The following GOLGA8H variants were observed in gnomAD, a reference collection of about 807,000 sequenced individuals.
GOLGA8H encodes golgin A8 family member H, also known as golgin subfamily A member 8H.
In GOLGA8H, 47 loss-of-function variants were observed where a neutral mutation model predicts 82.7. That is an observed-to-expected ratio of 0.57 (90% CI 0.45 to 0.73). The LOEUF (loss-of-function observed/expected upper bound fraction) is 0.73, where lower values mean the gene tolerates loss of function less well. Ranked by LOEUF, GOLGA8H falls within the 30% of genes least tolerant of loss-of-function variation. The pLI, the probability that GOLGA8H is intolerant of heterozygous loss-of-function variation, is 0.00. For missense variants in GOLGA8H, 372 were observed against 661.0 expected (o/e 0.56, Z 4.79); for synonymous variants, 108 against 241.6 (o/e 0.45, Z 5.13).
At position 30,604,097 on chromosome 15, in the gene GOLGA8H, C is replaced by T. The variant is rs1488264699; in HGVS notation, c.-29C>T. On this transcript the variant is annotated 5_prime_UTR_variant, in exon 1 of 19. Transcript: ENST00000566740. ...CTCATTGAGATTTTGCTGCTGTGAC[C>T]CCAACCCTGCCTCCCTCCCCACCCT... 23 of 1,538,254 alleles carry T rather than the reference C, an allele frequency of 1.5e-5. 1 individual carries two copies. Among genetic ancestry groups the T allele is most frequent in the Middle Eastern group, 4.5e-4 (2 of 4,426 alleles).
chr15:30,608,917 G>A (rs1375703939), intron 8 of GOLGA8H, among the ~76,000 whole-genome samples, 161 bp downstream of exon 8: 9 of 134,546 alleles, frequency 6.7e-5, no homozygotes, highest in Non-Finnish European at 4.9e-5. Context: ...CTGGGGCTGA[G>A]TCAGCTGCTG....
chr15:30,612,538 G>A (rs2060037547), intron 13 of GOLGA8H, 59 bp from the exon 14 acceptor site: 6 of 1,542,150 alleles, frequency 3.9e-6, no homozygotes, highest in Non-Finnish European at 5.3e-6. Flanking sequence ...TGAGGATGGG[G>A]CTGTGAGGGG....
intron 4 of GOLGA8H, 62 bp from the exon 5 acceptor site, chr15:30,607,968 C>G (rs1168276193): frequency 4.4e-6 from 7 of 1,596,066 alleles, no homozygotes; most frequent in Non-Finnish European, 5.9e-6. Flanking sequence ...CTACCACTTC[C>G]TGGTCTGGGG....
chr15:30,605,782 G>C, intron 1 of GOLGA8H, 61 bp from the exon 2 acceptor site: 12 of 1,582,904 alleles, frequency 7.6e-6, no homozygotes, highest in Non-Finnish European at 1.0e-5. Flanking sequence ...AAACTGTAAA[G>C]GAGGATGTGG....
Position 30,611,652 on chromosome 15 carries a change from A to C in GOLGA8H, c.1200+306A>C, listed in dbSNP as rs1249520017. Among the ~76,000 whole-genome samples the C allele has an allele frequency of 2.8e-5, 4 of 141,438 alleles. No homozygotes were observed. The East Asian group carries it at 8.2e-4, about 29-fold the overall frequency. The allele number at this position is 141,438 out of a possible 152,430, so 92.8% of individuals were successfully genotyped here. On this transcript the variant is annotated intron_variant, in intron 13 of 18. Coordinates refer to ENST00000566740, the MANE Select transcript of GOLGA8H (RefSeq NM_001282490.2). ...CCAGGTGCAGTGGCTCATGCCTATAATCCCAGCACTTTGGGAGGCTGAGGC... is the reference window on the plus strand; with the variant it reads ...CCAGGTGCAGTGGCTCATGCCTATACTCCCAGCACTTTGGGAGGCTGAGGC...
Position 30,608,491 on chromosome 15 carries a change from C to G in GOLGA8H, c.421C>G (p.Gln141Glu), listed in dbSNP as rs767587258. 12 of 1,610,826 alleles carry G rather than the reference C, an allele frequency of 7.4e-6. No homozygotes were observed. Among genetic ancestry groups the G allele is most frequent in the Non-Finnish European group, 9.3e-6 (11 of 1,179,604 alleles). Reference sequence around the variant, plus strand: ...GGTTCAAATCCAGACATTGAACATACAGAAAGGGAAACTAAATACGGACCT... The same window carrying G: ...GGTTCAAATCCAGACATTGAACATAGAGAAAGGGAAACTAAATACGGACCT... Reference protein sequence around the residue: ...LEVQIQTLNIQKGKLNTDLYH... With the variant: ...LEVQIQTLNIEKGKLNTDLYH... The change falls in exon 7 of 19, where the codon CAG (glutamine) becomes GAG (glutamate). Residue 141 changes from glutamine (Q) to glutamate (E), a missense_variant. Transcript: ENST00000566740.
chr15:30,606,608 C>G (rs1177276973), intron 2 of GOLGA8H, among the ~76,000 whole-genome samples: 1 of 151,608 alleles, frequency 6.6e-6, no homozygotes, highest in Non-Finnish European at 1.5e-5. Context: ...TCCTCATCCC[C>G]AGTCTCAAGG....
intron 11 of GOLGA8H, 136 bp downstream of exon 11, chr15:30,610,525 G>A (rs1229850082): frequency 1.8e-5 from 12 of 683,894 alleles, no homozygotes; most frequent in African/African-American, 5.7e-5. Flanking sequence ...AGGAGACGGC[G>A]AGTCTTGTCA....
rs1330257184 is a variant in GOLGA8H, at chr15:30,615,653, G to C, written c.*1092G>C. Among the ~76,000 whole-genome samples, 1 of 143,800 alleles carries C rather than the reference G, an allele frequency of 7.0e-6. No homozygotes were observed. The highest frequency in any genetic ancestry group is 1.5e-5 in the Non-Finnish European group (1 of 65,986). The allele number at this position is 143,800 out of a possible 152,430, so 94.3% of individuals were successfully genotyped here. ...CAAGAATGAATTAGAGTGAAGGAAA[G>C]CTGTGTGACACCTGGCATTCCTCTC... On this transcript the variant is annotated 3_prime_UTR_variant, in exon 19 of 19. Transcript: ENST00000566740.
intron 8 of GOLGA8H, among the ~76,000 whole-genome samples, chr15:30,609,138 T>C (rs2059976494): frequency 8.3e-6 from 1 of 120,758 alleles, no homozygotes; most frequent in Admixed American, 8.0e-5. Context: ...TGTGTGTGTG[T>C]GTGTGTGCAT....
chr15:30,610,348 A>G lies in GOLGA8H; in HGVS notation c.833A>G (p.Glu278Gly), dbSNP rs2059999461. The change falls in exon 11 of 19, where the codon GAG (glutamate) becomes GGG (glycine). Residue 278 changes from glutamate (E) to glycine (G), a missense_variant. By Grantham distance (98) the Glu-to-Gly change is moderately conservative. Coordinates refer to ENST00000566740, the MANE Select transcript of GOLGA8H (RefSeq NM_001282490.2). ...AAGCAGCAAGATATGCGTCGGGTAG[A>G]GAAGCTGGAGAGGAGCTTGTCCAAA... is the stretch of plus-strand genomic sequence containing the variant. ...KEKQQDMRRV[E>G]KLERSLSKLK... 6.9e-7 allele frequency: 1 copy of G among 1,456,928 alleles called. No homozygotes were observed. Among genetic ancestry groups the G allele is most frequent in the Non-Finnish European group, 9.4e-7 (1 of 1,066,452 alleles). The allele number at this position is 1,456,928 out of a possible 1,614,324, so 90.3% of individuals were successfully genotyped here. A position where few individuals can be genotyped will look rare whatever the true frequency, so the allele number is the denominator to read the frequency against.
At position 30,615,494 on chromosome 15, in the gene GOLGA8H, G is replaced by C. The variant is rs2060094162; in HGVS notation, c.*933G>C. Reference sequence around the variant, plus strand: ...TTTAAAGTCAGAGTTCATGTTACCTGTTTTAATCACATGACTACATGTCCC... The same window carrying C: ...TTTAAAGTCAGAGTTCATGTTACCTCTTTTAATCACATGACTACATGTCCC... On this transcript the variant is annotated 3_prime_UTR_variant, in exon 19 of 19. Transcript: ENST00000566740. Among the ~76,000 whole-genome samples the C allele has an allele frequency of 2.0e-5, 3 of 151,246 alleles. No individual in the cohort carries two copies. Among genetic ancestry groups the C allele is most frequent in the Non-Finnish European group, 4.4e-5 (3 of 67,808 alleles).
rs1595644569 is a variant in GOLGA8H at position 30,615,170 on chromosome 15, C to G, written c.*609C>G. 2.0e-5 allele frequency among the ~76,000 whole-genome samples: 3 copies of G among 151,952 alleles called. No individual in the cohort carries two copies. The highest frequency in any genetic ancestry group is 3.9e-4 in the East Asian group (2 of 5,142). ...GTGTATTGGTGATGGGAGTGATAAC[C>G]TTTTGGGGGAGCTTTTTAAATCTCA... On this transcript the variant is annotated 3_prime_UTR_variant, in exon 19 of 19. Coordinates refer to ENST00000566740, the MANE Select transcript of GOLGA8H (RefSeq NM_001282490.2).
At position 30,615,283 on chromosome 15, in the gene GOLGA8H, A is replaced by G. The variant is rs1456647039; in HGVS notation, c.*722A>G. On this transcript the variant is annotated 3_prime_UTR_variant, in exon 19 of 19. Coordinates refer to ENST00000566740, the MANE Select transcript of GOLGA8H (RefSeq NM_001282490.2). Reference sequence around the variant, plus strand: ...CGGTGCCAGGAATTAGCAGTGTATTATGGTGGTTCCCTTAGGATTTGTATG... The same window carrying G: ...CGGTGCCAGGAATTAGCAGTGTATTGTGGTGGTTCCCTTAGGATTTGTATG... Among the ~76,000 whole-genome samples the G allele has an allele frequency of 1.3e-5, 2 of 151,754 alleles. No individual in the cohort carries two copies. The highest frequency in any genetic ancestry group is 1.5e-5 in the Non-Finnish European group (1 of 67,916).
intron 2 of GOLGA8H, among the ~76,000 whole-genome samples, chr15:30,606,535 A>C (rs1189797318): frequency 6.6e-6 from 1 of 151,530 alleles, no homozygotes; most frequent in Non-Finnish European, 1.5e-5. Flanking sequence ...TGTTGTTTTT[A>C]TGTTAATCCC....
intron 13 of GOLGA8H, among the ~76,000 whole-genome samples, chr15:30,611,626 A>G (rs2060021549): frequency 6.9e-6 from 1 of 145,308 alleles, no homozygotes; most frequent in Admixed American, 6.8e-5. Context: ...GGCTCCTTAT[A>G]CCAGGTGCAG....
Position 30,605,895 on chromosome 15 carries a change from G to A in GOLGA8H, c.101G>A (p.Arg34Lys), listed in dbSNP as rs1449430263. 6.3e-7 allele frequency: 1 copy of A among 1,587,900 alleles called. No homozygotes were observed. Among genetic ancestry groups the A allele is most frequent in the Non-Finnish European group, 8.5e-7 (1 of 1,173,274 alleles). The change falls in exon 2 of 19, where the codon AGG becomes AAG. Residue 34 changes from arginine (R) to lysine (K), a missense_variant. Coordinates refer to ENST00000566740, the MANE Select transcript of GOLGA8H (RefSeq NM_001282490.2). ...CCTAGAGTTCCAGCAGGAGCGAACA[G>A]GAACAGGAAAACAAATGGCAGTGTC... ...NSPRVPAGAN[R>K]NRKTNGSVPE...
chr15:30,608,523 C>T lies in GOLGA8H; in HGVS notation c.453C>T (p.His151=). The change falls in exon 7 of 19, where the codon CAC becomes CAT. Residue 151 remains histidine (H), a synonymous_variant. Coordinates refer to ENST00000566740, the MANE Select transcript of GOLGA8H (RefSeq NM_001282490.2). ...QKGKLNTDLY[H]MKRSLRYFEE... ...GGAAACTAAATACGGACCTGTACCA[C>T]ATGAAACGTTCTCTCAGATACTTTG... is the stretch of plus-strand genomic sequence containing the variant. 6.2e-7 allele frequency: 1 copy of T among 1,610,786 alleles called. No homozygotes were observed. Among genetic ancestry groups the T allele is most frequent in the East Asian group, 2.2e-5 (1 of 44,782 alleles).
Position 30,606,211 on chromosome 15 carries a change from C to G in GOLGA8H, c.168+249C>G, listed in dbSNP as rs545161787. Among the ~76,000 whole-genome samples the G allele has an allele frequency of 5.3e-5, 8 of 151,546 alleles. 1 individual carries two copies. The highest frequency in any genetic ancestry group is 2.1e-4 in the South Asian group (1 of 4,814). Reference sequence around the variant, plus strand: ...CTACTAAAAATACAAAAACATTAGCCAAGCGTGGTGGCGTGTGCCTGTAGT... The same window carrying G: ...CTACTAAAAATACAAAAACATTAGCGAAGCGTGGTGGCGTGTGCCTGTAGT... On this transcript the variant is annotated intron_variant, in intron 2 of 18. Coordinates refer to ENST00000566740, the MANE Select transcript of GOLGA8H (RefSeq NM_001282490.2).
Sources: allele counts gnomAD v4.1 joint callset (sites outside exome capture counted in the v4.1 genomes callset), GRCh38; gene constraint gnomAD v4.1.1; transcripts MANE v1.5; gene names NCBI Gene and HGNC (gene_info 2026-07-23, HGNC 2026-07-21).